Variants in GLI2 observed in about 807,000 individuals in gnomAD.
The protein encoded by GLI2 is GLI family zinc finger 2.
GLI2 carries 22 observed loss-of-function variants against 78.9 expected under a neutral mutation model. The ratio of observed to expected loss-of-function variants is 0.28; its 90% CI spans 0.20 to 0.40. The LOEUF is 0.40. GLI2 is among the 10% of genes least tolerant of loss of function. The pLI is 1.00. For missense variants in GLI2, 2,097 were observed against 2,213.2 expected (o/e 0.95, Z 1.05); for synonymous variants, 974 against 963.7 (o/e 1.01, Z -0.20).
At chr2:120,976,232 A>G (rs748705141) in intron 9 of GLI2, among the ~76,000 whole-genome samples, 3 of 152,212 alleles carry the variant, frequency 2.0e-5, no homozygotes, top group Non-Finnish European at 4.4e-5. Context: ...CATATTCAGA[A>G]GCTGTCCAGA....
intron 1 of GLI2, among the ~76,000 whole-genome samples, chr2:120,754,071 G>A (rs1472285840): frequency 1.3e-5 from 2 of 152,098 alleles, no homozygotes; most frequent in Non-Finnish European, 2.9e-5. Flanking sequence ...GTAAAGTCTG[G>A]GATTTTAGTG....
At chr2:120,892,352 G>A (rs945681124) in intron 2 of GLI2, among the ~76,000 whole-genome samples, 1 of 152,182 alleles carries the variant, frequency 6.6e-6, no homozygotes, top group African/African-American at 2.4e-5. Flanking sequence ...ATGTGGAGTT[G>A]GAAGCCCTTG....
chr2:120,908,141 G>A (rs186028354), intron 2 of GLI2, among the ~76,000 whole-genome samples: 1 of 152,166 alleles, frequency 6.6e-6, no homozygotes, highest in Non-Finnish European at 1.5e-5. Context: ...TTGATAGTGG[G>A]GACTCTTATA....
intron 2 of GLI2, among the ~76,000 whole-genome samples, chr2:120,867,613 G>A (rs1688207420): frequency 6.6e-6 from 1 of 152,222 alleles, no homozygotes; most frequent in South Asian, 2.1e-4. Context: ...GTTGAAGGAG[G>A]ACGGCAGCTT....
intron 1 of GLI2, among the ~76,000 whole-genome samples, chr2:120,740,533 A>G (rs890673382): frequency 1.3e-5 from 2 of 152,000 alleles, no homozygotes; most frequent in African/African-American, 2.4e-5. Context: ...TGCGTTTGCC[A>G]TTGTCTTGAA....
At chr2:120,832,403 G>C (rs976645624) in intron 2 of GLI2, among the ~76,000 whole-genome samples, 2 of 152,196 alleles carry the variant, frequency 1.3e-5, no homozygotes, top group African/African-American at 4.8e-5. Context: ...GCACCAGGCT[G>C]ACCCGGGCAG....
intron 1 of GLI2, among the ~76,000 whole-genome samples, chr2:120,785,918 CT>C (rs1237949283): frequency 6.6e-6 from 1 of 152,222 alleles, no homozygotes; most frequent in Non-Finnish European, 1.5e-5. Context: ...GACAGCCCCG[CT>C]GCATCATTGG....
intron 1 of GLI2, among the ~76,000 whole-genome samples, chr2:120,780,921 G>A (rs35082037): frequency 0.15 from 22,436 of 152,110 alleles, 1,710 homozygotes; most frequent in Middle Eastern, 0.21. Flanking sequence ...GTCCATGAAC[G>A]TCAGGGTCAT....
chr2:120,931,914 C>T (rs1679961682), intron 3 of GLI2, among the ~76,000 whole-genome samples: 2 of 152,158 alleles, frequency 1.3e-5, no homozygotes, highest in Admixed American at 1.3e-4. Flanking sequence ...CGCGGTCCTG[C>T]TGGGGTGGGC....
intron 1 of GLI2, among the ~76,000 whole-genome samples, chr2:120,738,263 C>A (rs1052051288): frequency 6.6e-6 from 1 of 152,196 alleles, no homozygotes; most frequent in African/African-American, 2.4e-5. Flanking sequence ...TTTGACTATG[C>A]TTCTTGTGCC....
At chr2:120,845,755 G>A (rs1687087036) in intron 2 of GLI2, among the ~76,000 whole-genome samples, 1 of 152,158 alleles carries the variant, frequency 6.6e-6, no homozygotes, top group African/African-American at 2.4e-5. Context: ...TGTTTCTGTG[G>A]CAAATCATCC....
At chr2:120,880,581 T>A (rs1484152725) in intron 2 of GLI2, among the ~76,000 whole-genome samples, 1 of 152,104 alleles carries the variant, frequency 6.6e-6, no homozygotes, top group African/African-American at 2.4e-5. Context: ...CAAACAAACA[T>A]AGCTCTGCTT....
intron 13 of GLI2, 93 bp from the exon 14 acceptor site, chr2:120,988,115 C>A: frequency 9.0e-7 from 1 of 1,106,600 alleles, no homozygotes; most frequent in Non-Finnish European, 1.3e-6. Flanking sequence ...AAGCCCTCTT[C>A]TCGGGCTCCA....
At chr2:120,843,866 C>T (rs1686994511) in intron 2 of GLI2, among the ~76,000 whole-genome samples, 1 of 152,116 alleles carries the variant, frequency 6.6e-6, no homozygotes, top group Admixed American at 6.5e-5. Flanking sequence ...AGGGTTTCAC[C>T]ATGTTGGCTA....
chr2:120,781,088 A>G (rs369101092), intron 1 of GLI2, among the ~76,000 whole-genome samples: 205 of 152,288 alleles, frequency 1.3e-3, no homozygotes, highest in African/African-American at 4.6e-3. Context: ...TCCATAGTCT[A>G]TAAAAGGAGA....
intron 12 of GLI2, among the ~76,000 whole-genome samples, chr2:120,985,427 G>A (rs1368167447): frequency 1.3e-5 from 2 of 152,216 alleles, no homozygotes; most frequent in Non-Finnish European, 2.9e-5. Context: ...GCGCCAGGCT[G>A]TATCAGGGAC....
At chr2:120,857,785 C>T (rs890426839) in intron 2 of GLI2, among the ~76,000 whole-genome samples, 1 of 150,760 alleles carries the variant, frequency 6.6e-6, no homozygotes, top group African/African-American at 2.4e-5. Context: ...CCCACCCCCA[C>T]CACCAGTTTC....
At chr2:120,932,563 G>A (rs1215699698) in intron 3 of GLI2, among the ~76,000 whole-genome samples, 2 of 152,130 alleles carry the variant, frequency 1.3e-5, no homozygotes, top group Non-Finnish European at 2.9e-5. Context: ...ACCCATTGCC[G>A]AACCCTCCCT....
intron 3 of GLI2, among the ~76,000 whole-genome samples, chr2:120,942,287 C>T (rs888733645): frequency 6.6e-6 from 1 of 152,156 alleles, no homozygotes; most frequent in African/African-American, 2.4e-5. Context: ...GGAACAAGAT[C>T]GAGGTGTCAC....
Sources: allele counts gnomAD v4.1 joint callset (sites outside exome capture counted in the v4.1 genomes callset), GRCh38; gene constraint gnomAD v4.1.1; transcripts MANE v1.5; gene names NCBI Gene and HGNC (gene_info 2026-07-23, HGNC 2026-07-21).